Variants in SASH1 observed in about 807,000 individuals in gnomAD.
The protein encoded by SASH1 is SAM and SH3 domain containing 1.
Under a neutral mutation model 125.2 loss-of-function variants are expected in SASH1, and 44 were observed. The observed-to-expected ratio is 0.35, with a 90% CI of 0.28 to 0.45. The LOEUF (loss-of-function observed/expected upper bound fraction) is 0.45. Among genes scored for constraint, SASH1 ranks in the 20% least tolerant of loss-of-function variants. The pLI, the probability that SASH1 is intolerant of heterozygous loss-of-function variation, is 1.00. For missense variants in SASH1, 1,426 were observed against 1,614.5 expected, an observed-to-expected ratio of 0.88 and a Z score of 2.00; for synonymous variants, 639 against 649.1, an observed-to-expected ratio of 0.98 and a Z score of 0.24.
At chr6:148,371,237 TTG>T (rs1782689098) in intron 1 of SASH1, among the ~76,000 whole-genome samples, 1 of 152,138 alleles carries the variant, frequency 6.6e-6, no homozygotes, top group Non-Finnish European at 1.5e-5. Context: ...TGATCTCTTT[TTG>T]GGCATTTTCT....
At chr6:148,509,773 C>T (rs748711340) in intron 8 of SASH1, among the ~76,000 whole-genome samples, 2 of 152,242 alleles carry the variant, frequency 1.3e-5, no homozygotes, top group Non-Finnish European at 2.9e-5. Flanking sequence ...AGCTCCGGCA[C>T]ACAAATGTTT....
At chr6:148,221,175 C>G in the SASH1 span, among the ~76,000 whole-genome samples, 1 of 152,202 alleles carries the variant, frequency 6.6e-6, no homozygotes, top group East Asian at 1.9e-4. Flanking sequence ...TAAATAGCAG[C>G]AAAAACTACA....
the SASH1 span, among the ~76,000 whole-genome samples, chr6:148,197,304 G>A: frequency 0.018 from 2,749 of 152,308 alleles, 36 homozygotes; most frequent in East Asian, 0.06. Context: ...CCAGTCAGCT[G>A]ACAGGATTAT....
At chr6:148,405,818 T>G (rs1257873661) in intron 2 of SASH1, among the ~76,000 whole-genome samples, 1 of 152,260 alleles carries the variant, frequency 6.6e-6, no homozygotes, top group Non-Finnish European at 1.5e-5. Flanking sequence ...GGATAAGTTC[T>G]GTACTTCTGT....
intron 8 of SASH1, chr6:148,508,434 C>T: frequency 2.0e-6 from 2 of 992,414 alleles, no homozygotes; most frequent in Non-Finnish European, 2.4e-6. Flanking sequence ...TTTTTTCTGT[C>T]TCTGGAATTC....
At chr6:148,488,149 C>T (rs557134697) in intron 8 of SASH1, among the ~76,000 whole-genome samples, 137 of 152,252 alleles carry the variant, frequency 9.0e-4, no homozygotes, top group South Asian at 7.7e-3. Flanking sequence ...TCACCCACCT[C>T]CACACACACC....
upstream of SASH1, among the ~76,000 whole-genome samples, chr6:148,342,423 T>C (rs1259660298): frequency 1.3e-5 from 2 of 152,198 alleles, no homozygotes; most frequent in South Asian, 2.1e-4. Context: ...ATAGCGTGAT[T>C]GGAAACTTGT....
intron 10 of SASH1, among the ~76,000 whole-genome samples, chr6:148,522,467 C>A (rs1396077815): frequency 6.6e-6 from 1 of 152,168 alleles, no homozygotes; most frequent in Non-Finnish European, 1.5e-5. Context: ...CAACCTCAAG[C>A]TCTTTGTCTT....
At chr6:148,490,125 T>C (rs1274836115) in intron 8 of SASH1, among the ~76,000 whole-genome samples, 1 of 151,756 alleles carries the variant, frequency 6.6e-6, no homozygotes, top group Non-Finnish European at 1.5e-5. Flanking sequence ...CCTTGTATTA[T>C]TCACACTGTT....
chr6:148,431,530 G>A (rs1160587907), intron 2 of SASH1, among the ~76,000 whole-genome samples: 7 of 152,188 alleles, frequency 4.6e-5, no homozygotes, highest in Middle Eastern at 3.4e-3. Context: ...TGGTAAAATC[G>A]ACACATGTTC....
intron 7 of SASH1, among the ~76,000 whole-genome samples, chr6:148,474,826 C>G (rs1249237000): frequency 6.6e-6 from 1 of 152,136 alleles, no homozygotes; most frequent in African/African-American, 2.4e-5. Flanking sequence ...CTCACCTCGG[C>G]CTCCCAACAT....
intron 2 of SASH1, among the ~76,000 whole-genome samples, chr6:148,431,697 G>C (rs1333562984): frequency 6.6e-6 from 1 of 151,652 alleles, no homozygotes; most frequent in Non-Finnish European, 1.5e-5. Context: ...GGGACGGCTG[G>C]TTCGTCTGAG....
At chr6:148,536,228 G>A (rs1779125869) in intron 16 of SASH1, among the ~76,000 whole-genome samples, 1 of 152,186 alleles carries the variant, frequency 6.6e-6, no homozygotes, top group African/African-American at 2.4e-5. Flanking sequence ...AGCTCAATTA[G>A]TATGAATCAG....
intron 1 of SASH1, among the ~76,000 whole-genome samples, chr6:148,377,173 A>AAAAAAAAAAAC (rs1330181299): frequency 1.2e-4 from 8 of 67,538 alleles, no homozygotes; most frequent in East Asian, 1.0e-3. Flanking sequence ...CCGTCTCAAA[A>AAAAAAAAAAAC]AAAAAAAAAA....
At chr6:148,536,582 C>T (rs779145936) in intron 16 of SASH1, among the ~76,000 whole-genome samples, 15 of 152,270 alleles carry the variant, frequency 9.9e-5, no homozygotes, top group East Asian at 1.9e-4. Flanking sequence ...TCAGGTGATC[C>T]GCCCACCTCG....
intron 1 of SASH1, among the ~76,000 whole-genome samples, chr6:148,301,105 T>G (rs1779929649): frequency 6.6e-6 from 1 of 151,754 alleles, no homozygotes; most frequent in African/African-American, 2.4e-5. Context: ...GGCCAGCAGA[T>G]AAACTGCAGT....
At chr6:148,504,911 CT>C (rs1779717676) in intron 8 of SASH1, among the ~76,000 whole-genome samples, 1 of 152,172 alleles carries the variant, frequency 6.6e-6, no homozygotes, top group South Asian at 2.1e-4. Flanking sequence ...CTCTCCCATC[CT>C]CTTAGGACAC....
the SASH1 span, among the ~76,000 whole-genome samples, chr6:148,229,133 C>CAAAAAAAAAAAAAAA: frequency 1.6e-5 from 1 of 60,972 alleles, no homozygotes; most frequent in Non-Finnish European, 3.0e-5. Flanking sequence ...GACTCCATCT[C>CAAAAAAAAAAAAAAA]AAAAAAAAAA....
At chr6:148,320,581 G>T (rs996808575) in intron 1 of SASH1, among the ~76,000 whole-genome samples, 2 of 152,154 alleles carry the variant, frequency 1.3e-5, no homozygotes, top group African/African-American at 4.8e-5. Context: ...AAAGACAAAG[G>T]GTGGGTTCTT....
Sources: allele counts gnomAD v4.1 joint callset (sites outside exome capture counted in the v4.1 genomes callset), GRCh38; gene constraint gnomAD v4.1.1; transcripts MANE v1.5; gene names NCBI Gene and HGNC (gene_info 2026-07-23, HGNC 2026-07-21).